The following COL5A2 variants were observed in gnomAD, a reference collection of about 807,000 sequenced individuals.
COL5A2 encodes collagen type V alpha 2 chain.
Under a neutral mutation model 208.2 loss-of-function variants are expected in COL5A2, and 23 were observed. The ratio of observed to expected loss-of-function variants is 0.11; its 90% CI spans 0.08 to 0.16. The LOEUF (loss-of-function observed/expected upper bound fraction) is 0.16, where lower values mean the gene tolerates loss of function less well. Ranked by LOEUF, COL5A2 falls within the 10% of genes least tolerant of loss-of-function variation. The pLI is 1.00. For synonymous variants in COL5A2, 625 were observed against 628.5 expected (o/e 0.99, Z 0.08); for missense variants, 1,590 against 1,956.4 (o/e 0.81, Z 3.53).
chr2:189,078,669 G>T, intron 15 of COL5A2, 100 bp from the exon 16 acceptor site: 3 of 984,114 alleles, frequency 3.0e-6, no homozygotes, highest in African/African-American at 1.6e-5. Context: ...AAGATAATTG[G>T]CCACCAAGCA....
intron 47 of COL5A2, 89 bp downstream of exon 47, chr2:189,045,090 T>G: frequency 1.2e-6 from 1 of 834,968 alleles, no homozygotes; most frequent in Non-Finnish European, 1.8e-6. Context: ...AATTTCATAT[T>G]TTTCAGTTAT....
At chr2:189,269,038 T>C in the COL5A2 span, among the ~76,000 whole-genome samples, 2 of 152,128 alleles carry the variant, frequency 1.3e-5, no homozygotes, top group African/African-American at 2.4e-5. Context: ...AATTGGTCCA[T>C]TACCATTACC....
chr2:189,057,573 T>G, intron 33 of COL5A2, 146 bp from the exon 34 acceptor site: 1 of 658,432 alleles, frequency 1.5e-6, no homozygotes, highest in Non-Finnish European at 2.7e-6. Flanking sequence ...AAGTTGTCTC[T>G]GAGTGAGTTG....
At chr2:189,071,659 C>G (rs1686277371) in intron 18 of COL5A2, among the ~76,000 whole-genome samples, 1 of 152,070 alleles carries the variant, frequency 6.6e-6, no homozygotes, top group Admixed American at 6.6e-5. Context: ...AACCTCCTAA[C>G]CTCCTATTGT....
chr2:189,130,251 T>C (rs1687685067), intron 1 of COL5A2, among the ~76,000 whole-genome samples: 1 of 152,042 alleles, frequency 6.6e-6, no homozygotes, highest in African/African-American at 2.4e-5. Context: ...TTTTAGACTA[T>C]TTACTCCAAA....
At chr2:189,337,283 C>T in the COL5A2 span, among the ~76,000 whole-genome samples, 50 of 149,576 alleles carry the variant, frequency 3.3e-4, no homozygotes, top group African/African-American at 1.0e-3. Flanking sequence ...CCCGGGTTCA[C>T]GCCATTCTCC....
the COL5A2 span, among the ~76,000 whole-genome samples, chr2:189,357,449 A>G: frequency 6.6e-6 from 1 of 152,146 alleles, no homozygotes; most frequent in Non-Finnish European, 1.5e-5. Context: ...GTCTGGCTGC[A>G]GCGGCCTTGC....
At position 189,032,168 on chromosome 2, in the gene COL5A2, A is replaced by C. The variant is rs1293610518; in HGVS notation, c.*1902T>G. 6.6e-6 allele frequency: 1 copy of C among 152,172 alleles called. No individual in the cohort carries two copies. Among genetic ancestry groups the C allele is most frequent in the African/African-American group, 2.4e-5 (1 of 41,452 alleles). The allele number at this position is 152,172 out of a possible 1,614,324, so 9.4% of individuals were successfully genotyped here. On this transcript the variant is annotated 3_prime_UTR_variant, in exon 54 of 54. Transcript: ENST00000374866. ...TGATGTTGTAAACTAAATATTGAGA[A>C]TGAAACTGAAAACAATTAGGCTAAA...
the COL5A2 span, among the ~76,000 whole-genome samples, chr2:189,413,361 T>C: frequency 0.049 from 7,511 of 152,208 alleles, 230 homozygotes; most frequent in African/African-American, 0.077. Flanking sequence ...CCCAAGTAAG[T>C]AATTTATGGT....
At chr2:189,051,587 G>A in intron 41 of COL5A2, 106 bp from the exon 42 acceptor site, 1 of 988,574 alleles carries the variant, frequency 1.0e-6, no homozygotes. Context: ...AGCCTCGCAG[G>A]TTCATTTTAC....
the COL5A2 span, among the ~76,000 whole-genome samples, chr2:189,389,158 T>C: frequency 6.6e-6 from 1 of 152,186 alleles, no homozygotes; most frequent in Admixed American, 6.5e-5. Flanking sequence ...ACAAGTTATG[T>C]TTAACACTCT....
intron 22 of COL5A2, 73 bp downstream of exon 22, chr2:189,066,656 C>T (rs1686157816): frequency 1.0e-5 from 14 of 1,374,420 alleles, no homozygotes; most frequent in Non-Finnish European, 1.4e-5. Flanking sequence ...TATTTTAAAC[C>T]CTTGAGCATT....
At chr2:189,078,311 T>C (rs1164010040) in intron 16 of COL5A2, among the ~76,000 whole-genome samples, 1 of 152,060 alleles carries the variant, frequency 6.6e-6, no homozygotes, top group East Asian at 1.9e-4. Context: ...ATGTTAACAT[T>C]AAAGCAAAGG....
the COL5A2 span, among the ~76,000 whole-genome samples, chr2:189,414,800 C>G: frequency 2.0e-5 from 3 of 148,442 alleles, no homozygotes; most frequent in Non-Finnish European, 4.5e-5. Context: ...CTAGAGTCTT[C>G]TACTCCTCAA....
the COL5A2 span, among the ~76,000 whole-genome samples, chr2:189,397,460 G>C: frequency 6.6e-6 from 1 of 152,106 alleles, no homozygotes; most frequent in African/African-American, 2.4e-5. Flanking sequence ...TTTAAGGTAA[G>C]ACTGAATCCT....
chr2:189,037,811 T>C (rs1023930090), intron 51 of COL5A2, among the ~76,000 whole-genome samples: 20 of 152,196 alleles, frequency 1.3e-4, no homozygotes, highest in African/African-American at 4.8e-4. Context: ...GTGGGAAATA[T>C]ATGCTTGATG....
chr2:189,266,942 A>C, the COL5A2 span, among the ~76,000 whole-genome samples: 1,199 of 151,726 alleles, frequency 7.9e-3, 23 homozygotes, highest in African/African-American at 0.027. Flanking sequence ...ATCTCTAAAA[A>C]TATTTGTTAT....
intron 1 of COL5A2, among the ~76,000 whole-genome samples, chr2:189,191,945 C>G (rs1688937656): frequency 6.6e-6 from 1 of 151,032 alleles, no homozygotes; most frequent in South Asian, 2.1e-4. Context: ...TATTGTAGAA[C>G]CACACCCATA....
intron 40 of COL5A2, 129 bp downstream of exon 40, chr2:189,052,620 A>G (rs1452657947): frequency 3.1e-6 from 3 of 964,278 alleles, no homozygotes; most frequent in Admixed American, 2.0e-5. Flanking sequence ...CCTTTGCACT[A>G]TAGTACAGTT....
Sources: gnomAD v4.1 joint callset for allele counts (sites outside exome capture counted in the v4.1 genomes callset) on GRCh38, gnomAD v4.1.1 for gene constraint, MANE v1.5 for transcripts, NCBI Gene and HGNC (gene_info 2026-07-23, HGNC 2026-07-21) for gene names.